The following SMYD3 variants were observed in gnomAD, a reference collection of about 807,000 sequenced individuals.
SMYD3 encodes SET and MYND domain containing 3.
SMYD3 carries 36 observed loss-of-function variants against 57.7 expected under a neutral mutation model. The observed-to-expected ratio is 0.62, with a 90% confidence interval of 0.48 to 0.82. The LOEUF (loss-of-function observed/expected upper bound fraction) is 0.82, where lower values mean the gene tolerates loss of function less well. Ranked by LOEUF, SMYD3 falls within the 40% of genes least tolerant of loss-of-function variation. SMYD3 has a pLI of 0.00. For synonymous variants in SMYD3, 211 were observed against 195.0 expected (o/e 1.08, Z -0.68); for missense variants, 515 against 538.8 (o/e 0.96, Z 0.44).
At chr1:245,809,968 G>C (rs2048369741) in intron 10 of SMYD3, among the ~76,000 whole-genome samples, 1 of 152,172 alleles carries the variant, frequency 6.6e-6, no homozygotes, top group Non-Finnish European at 1.5e-5. Flanking sequence ...CTGAAATGCA[G>C]GTACCCAATT....
intron 2 of SMYD3, among the ~76,000 whole-genome samples, chr1:246,338,092 G>A (rs767812887): frequency 2.1e-4 from 32 of 152,078 alleles, no homozygotes; most frequent in Non-Finnish European, 4.3e-4. Flanking sequence ...TTATTTCCAT[G>A]AAAAGCCAAA....
chr1:245,887,055 T>C (rs2053126621), intron 8 of SMYD3, among the ~76,000 whole-genome samples: 1 of 152,150 alleles, frequency 6.6e-6, no homozygotes, highest in Non-Finnish European at 1.5e-5. Context: ...AATAGGGGCC[T>C]GGTAAAATGA....
chr1:245,757,944 T>A (rs904437207), intron 11 of SMYD3, among the ~76,000 whole-genome samples: 4 of 152,134 alleles, frequency 2.6e-5, no homozygotes, highest in Non-Finnish European at 1.5e-5. Context: ...AAGATGTATT[T>A]TTCTACTTCT....
intron 5 of SMYD3, among the ~76,000 whole-genome samples, chr1:246,192,604 C>T (rs2062756790): frequency 6.6e-6 from 1 of 151,780 alleles, no homozygotes; most frequent in Non-Finnish European, 1.5e-5. Flanking sequence ...GTAAATGCTA[C>T]AATAAAATAA....
At chr1:246,065,692 C>A (rs75246786) in intron 5 of SMYD3, among the ~76,000 whole-genome samples, 11,863 of 152,184 alleles carry the variant, frequency 0.078, 1,375 homozygotes, top group African/African-American at 0.25. Context: ...CAAATTCACA[C>A]CAGAAATTAT....
intron 5 of SMYD3, among the ~76,000 whole-genome samples, chr1:246,112,098 A>G (rs1045390830): frequency 4.6e-5 from 7 of 152,246 alleles, no homozygotes; most frequent in Non-Finnish European, 5.9e-5. Flanking sequence ...ATAATATTAT[A>G]TACTCTGCCC....
At chr1:245,978,460 G>A (rs377296914) in intron 5 of SMYD3, among the ~76,000 whole-genome samples, 5 of 152,190 alleles carry the variant, frequency 3.3e-5, no homozygotes, top group African/African-American at 4.8e-5. Context: ...GAGCTGATCT[G>A]AATCCAGAGG....
At chr1:245,871,327 G>A (rs1345326271) in intron 8 of SMYD3, among the ~76,000 whole-genome samples, 2 of 152,184 alleles carry the variant, frequency 1.3e-5, no homozygotes, top group African/African-American at 2.4e-5. Context: ...ATTAAAAGGA[G>A]ACATCTGTGC....
chr1:246,114,160 A>C (rs2061304337), intron 5 of SMYD3, among the ~76,000 whole-genome samples: 1 of 152,206 alleles, frequency 6.6e-6, no homozygotes, highest in African/African-American at 2.4e-5. Flanking sequence ...ATTTATAGAG[A>C]GACATTTCCG....
chr1:246,434,887 G>A lies in SMYD3; in HGVS notation c.164+72167C>T, dbSNP rs147403254. ...CACTACTCACAATAGCAAAAAACAC[G>A]GAACTAACCTAGGTGTACATCAATA... On this transcript the variant is annotated intron_variant, in intron 1 of 11. Transcript: ENST00000490107. 5.0e-3 allele frequency among the ~76,000 whole-genome samples: 759 copies of A among 152,220 alleles called. 2 individuals are homozygous for A. The highest frequency in any genetic ancestry group is 0.027 in the Middle Eastern group (8 of 294).
intron 1 of SMYD3, among the ~76,000 whole-genome samples, chr1:246,499,890 AT>A (rs2068431153): frequency 1.3e-5 from 2 of 152,194 alleles, no homozygotes; most frequent in South Asian, 4.1e-4. Context: ...TATCAAATCC[AT>A]TTTGATAATT....
At chr1:246,062,704 T>C (rs2060274544) in intron 5 of SMYD3, among the ~76,000 whole-genome samples, 1 of 152,206 alleles carries the variant, frequency 6.6e-6, no homozygotes, top group Non-Finnish European at 1.5e-5. Context: ...TATAACCCCT[T>C]TGAACACTTG....
At chr1:246,445,216 CA>C (rs1283157073) in intron 1 of SMYD3, among the ~76,000 whole-genome samples, 1 of 152,156 alleles carries the variant, frequency 6.6e-6, no homozygotes, top group East Asian at 1.9e-4. Context: ...ATATGTCCAC[CA>C]AACAATCTAA....
At chr1:245,936,181 TAA>T (rs2056970580) in intron 5 of SMYD3, among the ~76,000 whole-genome samples, 1 of 152,180 alleles carries the variant, frequency 6.6e-6, no homozygotes. Flanking sequence ...AATAATTTAA[TAA>T]GACAGAAAGC....
rs959232135 is a variant in SMYD3, at chr1:245,822,456, G to A, written c.1076+36040C>T. Among the ~76,000 whole-genome samples, 3 of 150,206 alleles carry A rather than the reference G, an allele frequency of 2.0e-5. No individual in the cohort carries two copies. In the Admixed American group the frequency reaches 2.0e-4, roughly 10 times the overall value. ...AGATATACCTAATGCTAGATGACGAGTTAGTGGGTGCAGCACACCAGCATG... is the reference window on the plus strand; with the variant it reads ...AGATATACCTAATGCTAGATGACGAATTAGTGGGTGCAGCACACCAGCATG... On this transcript the variant is annotated intron_variant, in intron 10 of 11. Coordinates refer to ENST00000490107, the MANE Select transcript of SMYD3 (RefSeq NM_001167740.2).
At chr1:245,894,709 C>T (rs779960999) in intron 8 of SMYD3, among the ~76,000 whole-genome samples, 1 of 152,172 alleles carries the variant, frequency 6.6e-6, no homozygotes, top group Non-Finnish European at 1.5e-5. Context: ...TACTGCGTAC[C>T]TGTGGACCAT....
intron 10 of SMYD3, among the ~76,000 whole-genome samples, chr1:245,837,960 C>A (rs982381593): frequency 3.3e-5 from 5 of 152,192 alleles, no homozygotes; most frequent in Admixed American, 2.6e-4. Flanking sequence ...TTCACCTCTG[C>A]AGGGCAGACA....
At chr1:246,210,301 G>A (rs752207951) in intron 5 of SMYD3, among the ~76,000 whole-genome samples, 19 of 152,288 alleles carry the variant, frequency 1.2e-4, no homozygotes, top group Non-Finnish European at 2.5e-4. Flanking sequence ...TGTCAGCAAC[G>A]TAAGAGATGC....
intron 5 of SMYD3, among the ~76,000 whole-genome samples, chr1:246,314,836 T>C (rs767768261): frequency 2.0e-5 from 3 of 152,260 alleles, no homozygotes; most frequent in African/African-American, 4.8e-5. Context: ...TGTCGAACGA[T>C]ACTATTCTGT....
Sources: allele counts gnomAD v4.1 joint callset (sites outside exome capture counted in the v4.1 genomes callset), GRCh38; gene constraint gnomAD v4.1.1; transcripts MANE v1.5; gene names NCBI Gene and HGNC (gene_info 2026-07-23, HGNC 2026-07-21).